SYT14: variants seen among roughly 807,000 people sequenced by gnomAD.
SYT14 encodes the protein synaptotagmin 14.
A neutral mutation model predicts 74.2 loss-of-function variants in SYT14; 32 were observed. The observed-to-expected ratio is 0.43, with a 90% CI of 0.33 to 0.58. The LOEUF (loss-of-function observed/expected upper bound fraction) is 0.58. Ranked by LOEUF, SYT14 falls within the 20% of genes least tolerant of loss-of-function variation. The probability of loss-of-function intolerance (pLI) is 0.05; values close to 1 mark genes in which losing one functional copy is unlikely to be tolerated. For missense variants in SYT14, 791 were observed against 981.8 expected, an observed-to-expected ratio of 0.81 and a Z score of 2.60; for synonymous variants, 298 against 337.7, an observed-to-expected ratio of 0.88 and a Z score of 1.29.
chr1:210,153,451 C>T (rs1010926663), intron 7 of SYT14, among the ~76,000 whole-genome samples: 3 of 152,092 alleles, frequency 2.0e-5, no homozygotes, highest in Non-Finnish European at 4.4e-5. Flanking sequence ...TTTTTGGTTT[C>T]TCCCAATAAT....
intron 5 of SYT14, among the ~76,000 whole-genome samples, chr1:210,090,369 G>GAAA: frequency 6.8e-6 from 1 of 147,636 alleles, no homozygotes; most frequent in African/African-American, 2.5e-5. Context: ...ACAGGCACTT[G>GAAA]AAAAAAAAAA....
At chr1:210,144,650 CA>C (rs1323179418) in intron 7 of SYT14, among the ~76,000 whole-genome samples, 1 of 151,642 alleles carries the variant, frequency 6.6e-6, no homozygotes, top group Non-Finnish European at 1.5e-5. Context: ...AATTATAATC[CA>C]AAACATGGAA....
intron 5 of SYT14, among the ~76,000 whole-genome samples, chr1:210,058,007 T>A (rs1223956745): frequency 6.6e-6 from 1 of 152,214 alleles, no homozygotes; most frequent in East Asian, 1.9e-4. Context: ...ATTATAGTGA[T>A]GTATAAGAAA....
chr1:210,126,700 A>G (rs1263639425), intron 7 of SYT14, among the ~76,000 whole-genome samples: 1 of 152,228 alleles, frequency 6.6e-6, no homozygotes, highest in Admixed American at 6.5e-5. Context: ...TCTTTTCATC[A>G]TCGGTACTGG....
Position 210,074,998 on chromosome 1 carries a change from C to T in SYT14, c.1313-19324C>T, listed in dbSNP as rs1054647353. On this transcript the variant is annotated intron_variant, in intron 5 of 9. Coordinates refer to ENST00000637265, the Ensembl canonical transcript of SYT14. ...AGTGTACTGGAAGAATCAGATTACACGTGGGCTTGGAGAATGAGTACAAGG... is the reference window on the plus strand; with the variant it reads ...AGTGTACTGGAAGAATCAGATTACATGTGGGCTTGGAGAATGAGTACAAGG... 3.7e-4 allele frequency among the ~76,000 whole-genome samples: 56 copies of T among 152,328 alleles called. 1 individual carries two copies. Among genetic ancestry groups the T allele is most frequent in the South Asian group, 6.2e-4 (3 of 4,826 alleles).
At chr1:210,056,521 A>G (rs941479135) in intron 5 of SYT14, among the ~76,000 whole-genome samples, 11 of 151,998 alleles carry the variant, frequency 7.2e-5, no homozygotes, top group African/African-American at 1.9e-4. Flanking sequence ...CTATAACTAA[A>G]AAGTTTTTTT....
At chr1:210,161,096 C>T (rs776355276) in exon 10 of SYT14, 2 of 1,569,618 alleles carry the variant, frequency 1.3e-6, no homozygotes, top group Admixed American at 1.7e-5. Flanking sequence ...CCAATTCCAA[C>T]ATTACTGTTT....
exon 10 of SYT14, chr1:210,161,848 T>C (rs1046660403): frequency 7.3e-5 from 33 of 453,016 alleles, no homozygotes; most frequent in Non-Finnish European, 1.5e-4. Flanking sequence ...TGTAGGAAGC[T>C]AATAGAGCAG....
At chr1:210,067,236 C>A (rs1231831414) in intron 5 of SYT14, among the ~76,000 whole-genome samples, 1 of 151,974 alleles carries the variant, frequency 6.6e-6, no homozygotes, top group Non-Finnish European at 1.5e-5. Context: ...TGTGAGTCTT[C>A]CTACTGTATT....
At chr1:210,141,028 T>C (rs2082903013) in intron 7 of SYT14, among the ~76,000 whole-genome samples, 1 of 146,568 alleles carries the variant, frequency 6.8e-6, no homozygotes, top group Admixed American at 6.8e-5. Context: ...AATTTTAGGA[T>C]TGACTTCTTT....
intron 5 of SYT14, among the ~76,000 whole-genome samples, chr1:210,026,245 CCT>C (rs1165234751): frequency 1.3e-5 from 2 of 151,970 alleles, no homozygotes; most frequent in Admixed American, 6.6e-5. Flanking sequence ...TTCTGATAAA[CCT>C]CTCTTATTTT....
chr1:210,107,080 A>G (rs2082172136), intron 7 of SYT14, among the ~76,000 whole-genome samples: 1 of 152,264 alleles, frequency 6.6e-6, no homozygotes, highest in Non-Finnish European at 1.5e-5. Flanking sequence ...TAGAGCAGTC[A>G]TTAAACCTTA....
exon 4 of SYT14, chr1:210,015,806 G>A (rs2080171561): frequency 6.4e-6 from 7 of 1,091,544 alleles, no homozygotes; most frequent in Non-Finnish European, 8.0e-6. Context: ...TTTTTTTCCG[G>A]AAGAATCTTT....
chr1:210,068,937 A>G (rs1469191174), intron 5 of SYT14, among the ~76,000 whole-genome samples: 1 of 151,784 alleles, frequency 6.6e-6, no homozygotes, highest in Non-Finnish European at 1.5e-5. Flanking sequence ...TCCTTTTAAA[A>G]TACCATTTCA....
At chr1:210,027,187 A>G (rs1296858478) in intron 5 of SYT14, among the ~76,000 whole-genome samples, 4 of 152,170 alleles carry the variant, frequency 2.6e-5, no homozygotes, top group African/African-American at 9.7e-5. Context: ...GAAAAAAGAA[A>G]ATGTTATTAA....
At chr1:210,035,707 G>A (rs1402925733) in intron 5 of SYT14, among the ~76,000 whole-genome samples, 1 of 151,852 alleles carries the variant, frequency 6.6e-6, no homozygotes, top group Non-Finnish European at 1.5e-5. Context: ...GTATGTTTTG[G>A]TTGACTTTGT....
At chr1:209,977,108 G>A (rs973195789) in intron 2 of SYT14, among the ~76,000 whole-genome samples, 1 of 152,036 alleles carries the variant, frequency 6.6e-6, no homozygotes. Context: ...GTCTCTGCAC[G>A]TGAGATGGGT....
exon 6 of SYT14, chr1:210,094,490 A>G (rs2081933951): frequency 6.2e-7 from 1 of 1,614,024 alleles, no homozygotes; most frequent in Non-Finnish European, 8.5e-7. Context: ...TCATATAACA[A>G]GTGCCCAAGT....
intron 7 of SYT14, among the ~76,000 whole-genome samples, chr1:210,141,012 C>T (rs540402071): frequency 1.5e-5 from 2 of 136,970 alleles, no homozygotes; most frequent in South Asian, 2.3e-4. Context: ...AATTTTAGGA[C>T]ACTTAAATTT....
Sources: gnomAD v4.1 joint callset for allele counts (sites outside exome capture counted in the v4.1 genomes callset) on GRCh38, gnomAD v4.1.1 for gene constraint, MANE v1.5 for transcripts, NCBI Gene and HGNC (gene_info 2026-07-23, HGNC 2026-07-21) for gene names.